USP13: variants seen among roughly 807,000 people sequenced by gnomAD.
USP13 encodes the protein ubiquitin carboxyl-terminal hydrolase 13.
In USP13, 68 loss-of-function variants were observed where a neutral mutation model predicts 107.8. The observed-to-expected ratio is 0.63, with a 90% CI of 0.52 to 0.77. USP13 has a LOEUF of 0.77. Among genes scored for constraint, USP13 ranks in the 30% least tolerant of loss-of-function variants. The pLI, the probability that USP13 is intolerant of heterozygous loss-of-function variation, is 0.00. For synonymous variants in USP13, 377 were observed against 389.5 expected (o/e 0.97, Z 0.38); for missense variants, 945 against 1,093.3 (o/e 0.86, Z 1.91).
At chr3:179,759,135 C>A (rs560191675) in intron 16 of USP13, among the ~76,000 whole-genome samples, 2 of 152,128 alleles carry the variant, frequency 1.3e-5, no homozygotes, top group South Asian at 2.1e-4. Flanking sequence ...GTGTGCACCA[C>A]CACGCCTGGC....
At position 179,784,047 on chromosome 3, in the gene USP13, G is replaced by A. The variant is rs1715839416; in HGVS notation, c.2499-1G>A. ...ATCAAATGCTTCTGTCTTATTTTCA[G>A]ATGGGTGATTTACAATGACCACAAA... On this transcript the variant is annotated splice_acceptor_variant, in intron 20 of 20. Coordinates refer to ENST00000263966, the MANE Select transcript of USP13 (RefSeq NM_003940.3). LOFTEE classifies it high-confidence loss of function. 2.5e-6 allele frequency: 4 copies of A among 1,607,914 alleles called. No homozygotes were observed. Among genetic ancestry groups the A allele is most frequent in the Non-Finnish European group, 3.4e-6 (4 of 1,178,210 alleles).
At chr3:179,723,004 C>A (rs1389713443) in intron 8 of USP13, among the ~76,000 whole-genome samples, 1 of 152,188 alleles carries the variant, frequency 6.6e-6, no homozygotes, top group African/African-American at 2.4e-5. Context: ...GGCTGGTACA[C>A]TCTCAGGCAG....
At chr3:179,656,405 G>A (rs1326972618) in intron 1 of USP13, among the ~76,000 whole-genome samples, 1 of 152,250 alleles carries the variant, frequency 6.6e-6, no homozygotes, top group East Asian at 1.9e-4. Flanking sequence ...TACCTACCAT[G>A]TCTAAGGCAC....
At chr3:179,688,010 T>G (rs1711938961) in intron 2 of USP13, among the ~76,000 whole-genome samples, 1 of 152,128 alleles carries the variant, frequency 6.6e-6, no homozygotes, top group South Asian at 2.1e-4. Context: ...TATGCTGTTT[T>G]CTCTGTCTAG....
intron 17 of USP13, among the ~76,000 whole-genome samples, chr3:179,762,843 T>G (rs1715052653): frequency 6.6e-6 from 1 of 152,204 alleles, no homozygotes; most frequent in African/African-American, 2.4e-5. Context: ...TGAACCATTT[T>G]ACATTTCCAC....
chr3:179,756,581 AAAAAAT>A (rs1714808982), intron 15 of USP13, among the ~76,000 whole-genome samples: 1 of 152,092 alleles, frequency 6.6e-6, no homozygotes, highest in Admixed American at 6.5e-5. Context: ...CTGTCTCTAC[AAAAAAT>A]AAAAAATTTA....
rs774816200 is a variant in USP13, at chr3:179,719,924, T to C, written c.806-16T>C. ...TGATTACTGATTGCAGTGCTTATTTTCTCTTCATCCGCTAGATGTTTATTC... is the reference window on the plus strand; with the variant it reads ...TGATTACTGATTGCAGTGCTTATTTCCTCTTCATCCGCTAGATGTTTATTC... On this transcript the variant is annotated splice_polypyrimidine_tract_variant and intron_variant, in intron 6 of 20. Transcript: ENST00000263966. The C allele has an allele frequency of 6.2e-7, 1 of 1,607,378 alleles. No individual in the cohort carries two copies. The highest frequency in any genetic ancestry group is 8.5e-7 in the Non-Finnish European group (1 of 1,174,800).
chr3:179,725,734 G>T (rs1195304488), intron 8 of USP13, among the ~76,000 whole-genome samples: 5 of 152,210 alleles, frequency 3.3e-5, no homozygotes, highest in African/African-American at 1.2e-4. Flanking sequence ...TTTATTGAGT[G>T]TCTTTTACAT....
chr3:179,748,080 G>A (rs1714473694), intron 13 of USP13, among the ~76,000 whole-genome samples: 1 of 152,242 alleles, frequency 6.6e-6, no homozygotes, highest in Admixed American at 6.5e-5. Context: ...GCCAGGTCAT[G>A]TGTTAAGCAC....
At chr3:179,713,428 G>A (rs1712998993) in intron 6 of USP13, among the ~76,000 whole-genome samples, 1 of 152,026 alleles carries the variant, frequency 6.6e-6, no homozygotes, top group African/African-American at 2.4e-5. Context: ...TTATTTAAAA[G>A]CCACATAAAT....
intron 4 of USP13, 135 bp downstream of exon 4, chr3:179,701,264 G>A (rs1037727999): frequency 4.4e-5 from 50 of 1,144,214 alleles, no homozygotes; most frequent in Non-Finnish European, 5.7e-5. Context: ...ATGAAAATGA[G>A]CATGAACACG....
At chr3:179,723,798 C>T (rs1486275061) in intron 8 of USP13, among the ~76,000 whole-genome samples, 4 of 152,108 alleles carry the variant, frequency 2.6e-5, no homozygotes, top group African/African-American at 9.7e-5. Flanking sequence ...TTCTTTTTCA[C>T]CAGCAGGTCT....
chr3:179,751,754 C>T (rs894136666), intron 13 of USP13, among the ~76,000 whole-genome samples: 3 of 151,730 alleles, frequency 2.0e-5, no homozygotes, highest in African/African-American at 7.3e-5. Context: ...GATGGAGTCT[C>T]ACTCTGTTGC....
In USP13 at chr3:179,784,081, C is replaced by T. The variant is rs550803513; in HGVS notation, c.2532C>T (p.Ala844=). The change falls in exon 21 of 21, where the codon GCC becomes GCT. Residue 844 remains alanine (A), a synonymous_variant. Transcript: ENST00000263966. ...TTTACAATGACCACAAAGTTTGTGC[C>T]TCAGAAAGGCCCCCTAAAGACCTGG... The part of the protein sequence containing the change: ...WVIYNDHKVC[A]SERPPKDLGY... 16 of 1,613,076 alleles carry T rather than the reference C, an allele frequency of 9.9e-6. No individual in the cohort carries two copies. In the African/African-American group the frequency reaches 1.5e-4, roughly 15 times the overall value.
intron 1 of USP13, among the ~76,000 whole-genome samples, chr3:179,660,029 C>T (rs981181516): frequency 1.3e-5 from 2 of 152,124 alleles, no homozygotes; most frequent in African/African-American, 2.4e-5. Context: ...GGCGACAGAG[C>T]GAGACTCTGT....
chr3:179,729,499 T>C (rs979060184), intron 8 of USP13, among the ~76,000 whole-genome samples: 1 of 152,032 alleles, frequency 6.6e-6, no homozygotes, highest in African/African-American at 2.4e-5. Context: ...TGAGACAGAG[T>C]CTTGCTCTGT....
intron 1 of USP13, among the ~76,000 whole-genome samples, chr3:179,661,737 A>G (rs1194877244): frequency 6.6e-6 from 1 of 152,070 alleles, no homozygotes; most frequent in Non-Finnish European, 1.5e-5. Context: ...CTGCTTTGCT[A>G]AGCTTCTCCC....
intron 10 of USP13, among the ~76,000 whole-genome samples, chr3:179,732,070 A>C (rs1484567362): frequency 6.6e-6 from 1 of 152,180 alleles, no homozygotes; most frequent in Non-Finnish European, 1.5e-5. Context: ...AAGAGGGTGG[A>C]GAGGGAAACA....
rs774447537 is a variant in USP13 at position 179,653,200 on chromosome 3, G to C, written c.-26G>C. 9 of 1,365,526 alleles carry C rather than the reference G, an allele frequency of 6.6e-6. No homozygotes were observed. Among genetic ancestry groups the C allele is most frequent in the Non-Finnish European group, 3.8e-6 (4 of 1,053,344 alleles). 84.6% of individuals were successfully genotyped at this position (1,365,526 alleles called of 1,614,324 possible). On this transcript the variant is annotated 5_prime_UTR_variant, in exon 1 of 21. Coordinates refer to ENST00000263966, the MANE Select transcript of USP13 (RefSeq NM_003940.3). This position sits in a 1 kb window ranked among gnomAD's most constrained non-coding sequence, Gnocchi z 4.0. The stretch of plus-strand genomic sequence containing the variant: ...CCGCGCTCCGGCTCCGGCTCGGCTC[G>C]CTCGGCTCCGGTGCGCGCCGAGGCC...
Sources: gnomAD v4.1 joint callset for allele counts (sites outside exome capture counted in the v4.1 genomes callset) on GRCh38, gnomAD v4.1.1 for gene constraint, Gnocchi (gnomAD v3.1) non-coding constraint, MANE v1.5 for transcripts, NCBI Gene and HGNC (gene_info 2026-07-23, HGNC 2026-07-21) for gene names.